SPPL2B: variants seen among roughly 807,000 people sequenced by gnomAD.
The protein encoded by SPPL2B is signal peptide peptidase like 2B, also known as signal peptide peptidase-like 2B.
In SPPL2B, 39 loss-of-function variants were observed where a neutral mutation model predicts 59.7. The observed-to-expected ratio is 0.65, with a 90% CI of 0.51 to 0.85. The LOEUF (loss-of-function observed/expected upper bound fraction) is 0.85, where lower values mean the gene tolerates loss of function less well. Among genes scored for constraint, SPPL2B ranks in the 40% least tolerant of loss-of-function variants. The pLI is 0.00. For missense variants in SPPL2B, 865 were observed against 849.0 expected (o/e 1.02, Z -0.23); for synonymous variants, 419 against 370.8 (o/e 1.13, Z -1.49).
At position 2,350,025 on chromosome 19, in the gene SPPL2B, T is replaced by A. The variant is rs78566016; in HGVS notation, c.1355-1409T>A. Among the ~76,000 whole-genome samples the A allele has an allele frequency of 1.6e-4, 18 of 113,876 alleles. 1 individual carries two copies. In the East Asian group the frequency reaches 2.7e-3, roughly 17 times the overall value. The allele number at this position is 113,876 out of a possible 152,430, so 74.7% of individuals were successfully genotyped here. ...TTCCGTTCTCTCCCTCGACACACACTCGCTCTCATTCGCTTGATTCCGTTC... is the reference window on the plus strand; with the variant it reads ...TTCCGTTCTCTCCCTCGACACACACACGCTCTCATTCGCTTGATTCCGTTC... On this transcript the variant is annotated intron_variant, in intron 13 of 14. Coordinates refer to ENST00000613503, the MANE Select transcript of SPPL2B (RefSeq NM_152988.3).
chr19:2,342,938 T>C, intron 8 of SPPL2B: 1 of 471,596 alleles, frequency 2.1e-6, no homozygotes, highest in Non-Finnish European at 3.9e-6. Context: ...GCCAGGCCTG[T>C]GTCCACTGTC....
At position 2,354,391 on chromosome 19, in the gene SPPL2B, G is replaced by C. The variant is rs1386076777; in HGVS notation, c.*1182G>C. Reference sequence around the variant, plus strand: ...AAGCAGCGCTCCCTGTGGCCGCAGAGACAGAGCCCGCACCCTGGCTGTCTG... The same window carrying C: ...AAGCAGCGCTCCCTGTGGCCGCAGACACAGAGCCCGCACCCTGGCTGTCTG... On this transcript the variant is annotated 3_prime_UTR_variant, in exon 15 of 15. Coordinates refer to ENST00000613503, the MANE Select transcript of SPPL2B (RefSeq NM_152988.3). 6.6e-6 allele frequency: 1 copy of C among 152,320 alleles called. No homozygotes were observed. Among genetic ancestry groups the C allele is most frequent in the Non-Finnish European group, 1.5e-5 (1 of 68,120 alleles). 9.4% of individuals were successfully genotyped at this position (152,320 alleles called of 1,614,324 possible). A position where few individuals can be genotyped will look rare whatever the true frequency, so the allele number is the denominator to read the frequency against.
intron 8 of SPPL2B, chr19:2,341,624 TCCTC>T (rs1434721631): frequency 4.4e-6 from 2 of 455,996 alleles, no homozygotes; most frequent in East Asian, 1.4e-4. Context: ...ATCTGGCACT[TCCTC>T]CCAGCCTTCC....
In SPPL2B at chr19:2,351,188, G is replaced by A. The variant is rs527351749; in HGVS notation, c.1355-246G>A. On this transcript the variant is annotated intron_variant, in intron 13 of 14. Coordinates refer to ENST00000613503, the MANE Select transcript of SPPL2B (RefSeq NM_152988.3). ...CCTCCCTGTCCCTCTCCTTGCCCTG[G>A]CCCTTCCATGTCCTCGGTGACCCTG... Among the ~76,000 whole-genome samples the A allele has an allele frequency of 6.6e-5, 10 of 152,248 alleles. No homozygotes were observed. The South Asian group carries it at 1.9e-3, about 28-fold the overall frequency.
rs151168966 is a variant in SPPL2B, at chr19:2,342,951, G to A, written c.957-260G>A. The A allele has an allele frequency of 1.2e-3, 603 of 517,186 alleles. 6 individuals carry two copies. The highest frequency in any genetic ancestry group is 2.7e-3 in the Admixed American group (86 of 31,300). 32.0% of individuals were successfully genotyped at this position (517,186 alleles called of 1,614,324 possible). A position where few individuals can be genotyped will look rare whatever the true frequency, so the allele number is the denominator to read the frequency against. Reference sequence around the variant, plus strand: ...CGGCCAGGCCTGTGTCCACTGTCCTGGCTGCCGAGTGGTGGGCTCCTCTAC... The same window carrying A: ...CGGCCAGGCCTGTGTCCACTGTCCTAGCTGCCGAGTGGTGGGCTCCTCTAC... On this transcript the variant is annotated intron_variant, in intron 8 of 14. Transcript: ENST00000613503.
chr19:2,348,425 C>G (rs1408507008), intron 13 of SPPL2B, among the ~76,000 whole-genome samples: 1 of 94,848 alleles, frequency 1.1e-5, no homozygotes, highest in Non-Finnish European at 2.1e-5. Flanking sequence ...TCGCTTGATT[C>G]CATTCTCTCC....
At chr19:2,348,358 G>T (rs1327147092) in intron 13 of SPPL2B, among the ~76,000 whole-genome samples, 1 of 55,432 alleles carries the variant, frequency 1.8e-5, no homozygotes. Flanking sequence ...ACACTCACGC[G>T]CTCTCATTTG....
At chr19:2,339,454 TGGCAGGTGCAGGGCTG>T (rs1968879069) in intron 5 of SPPL2B, among the ~76,000 whole-genome samples, 1 of 151,946 alleles carries the variant, frequency 6.6e-6, no homozygotes, top group Non-Finnish European at 1.5e-5. Context: ...GGTACGGGCG[TGGCAGGTGCAGGGCTG>T]GGCAGGTGGC....
At chr19:2,346,635 C>T (rs1433044044) in intron 13 of SPPL2B, among the ~76,000 whole-genome samples, 2 of 152,066 alleles carry the variant, frequency 1.3e-5, no homozygotes, top group African/African-American at 4.8e-5. Flanking sequence ...CCACCGCACT[C>T]CAGCCTAGGC....
rs776731451 is a variant in SPPL2B, at chr19:2,332,598, GTCTC to G, written c.67-2000_67-1997del. The stretch of plus-strand genomic sequence containing the variant: ...CCCCTGGGGACCAGGGGGTGCGGCT[GTCTC>G]TCTGTCTGGGAGGTTTACAGCCTGG... On this transcript the variant is annotated intron_variant, in intron 1 of 14. Coordinates refer to ENST00000613503, the MANE Select transcript of SPPL2B (RefSeq NM_152988.3). The surrounding 1 kb of genome is among the most constrained non-coding windows in gnomAD (Gnocchi z 4.6). Among the ~76,000 whole-genome samples, 9 of 152,326 alleles carry G rather than the reference GTCTC, an allele frequency of 5.9e-5. No individual in the cohort carries two copies. In the East Asian group the frequency reaches 7.7e-4, roughly 13 times the overall value.
Position 2,353,803 on chromosome 19 carries a change from G to T in SPPL2B, c.*594G>T. On this transcript the variant is annotated 3_prime_UTR_variant, in exon 15 of 15. Coordinates refer to ENST00000613503, the MANE Select transcript of SPPL2B (RefSeq NM_152988.3). ...CAGGCCCGTGGGGCGGGGTTTTGGG[G>T]CGTGAACAAGGCTGGCAGTAAGTGG... The T allele has an allele frequency of 6.5e-6, 1 of 154,212 alleles. No homozygotes were observed. Among genetic ancestry groups the T allele is most frequent in the Non-Finnish European group, 1.4e-5 (1 of 69,456 alleles). 9.6% of individuals were successfully genotyped at this position (154,212 alleles called of 1,614,324 possible).
At chr19:2,339,782 C>T (rs1216144864) in intron 5 of SPPL2B, 42 bp from the exon 6 acceptor site, 5 of 1,588,126 alleles carry the variant, frequency 3.1e-6, no homozygotes, top group Non-Finnish European at 4.3e-6. Flanking sequence ...CCGTGTCGGC[C>T]AGCCGGCCCC....
chr19:2,340,500 T>C, intron 7 of SPPL2B: 1 of 605,452 alleles, frequency 1.7e-6, no homozygotes, highest in Non-Finnish European at 3.0e-6. Context: ...GAGCTTGGCC[T>C]GGCTCTTAGG....
At position 2,337,508 on chromosome 19, in the gene SPPL2B, T is replaced by G; in HGVS notation, c.252T>G (p.Arg84=). 1.9e-6 allele frequency: 3 copies of G among 1,613,346 alleles called. No homozygotes were observed. Among genetic ancestry groups the G allele is most frequent in the Non-Finnish European group, 2.5e-6 (3 of 1,179,698 alleles). ...LLCSAADLPA[R]GFSNQIPLVA... The stretch of plus-strand genomic sequence containing the variant: ...GCTCCGCAGCCGACCTCCCCGCCCG[T>G]GGCTTCAGCAACCAGATCCCGCTGG... Residue 84 remains arginine, a synonymous_variant, in exon 3 of 15, where the codon CGT becomes CGG. Coordinates refer to ENST00000613503, the MANE Select transcript of SPPL2B (RefSeq NM_152988.3).
rs1215946321 is a variant in SPPL2B at position 2,332,628 on chromosome 19, C to A, written c.67-1974C>A. Among the ~76,000 whole-genome samples, 1 of 152,176 alleles carries A rather than the reference C, an allele frequency of 6.6e-6. No homozygotes were observed. Among genetic ancestry groups the A allele is most frequent in the Non-Finnish European group, 1.5e-5 (1 of 68,020 alleles). ...TCTGTCTGGGAGGTTTACAGCCTGG[C>A]AGGAGCCCTGCAGCCCCAGAAGGCT... On this transcript the variant is annotated intron_variant, in intron 1 of 14. Transcript: ENST00000613503. This position sits in a 1 kb window ranked among gnomAD's most constrained non-coding sequence, Gnocchi z 4.6.
chr19:2,340,244 T>TGGGGGGCTATGGGGC, intron 7 of SPPL2B, 72 bp downstream of exon 7: 1 of 1,170,778 alleles, frequency 8.5e-7, no homozygotes, highest in Non-Finnish European at 1.2e-6. Context: ...TGCCGCCCCA[T>TGGGGGGCTATGGGGC]AGCCCCCCAT....
chr19:2,340,306 G>T, intron 7 of SPPL2B, 134 bp downstream of exon 7: 1 of 735,386 alleles, frequency 1.4e-6, no homozygotes. Context: ...TGCTGGCCTG[G>T]GGCTCCTAGG....
At chr19:2,344,249 C>T in intron 10 of SPPL2B, 113 bp from the exon 11 acceptor site, 1 of 566,402 alleles carries the variant, frequency 1.8e-6, no homozygotes, top group Non-Finnish European at 3.1e-6. Flanking sequence ...CCCCCCATCA[C>T]CCTGCCCCTT....
chr19:2,337,763 G>A (rs1054959089), intron 3 of SPPL2B, 138 bp downstream of exon 3: 17 of 891,792 alleles, frequency 1.9e-5, no homozygotes, highest in African/African-American at 5.1e-5. Flanking sequence ...GATCTGGGCC[G>A]AGTGTGAACA....
Sources: allele counts gnomAD v4.1 joint callset (sites outside exome capture counted in the v4.1 genomes callset), GRCh38; gene constraint gnomAD v4.1.1; non-coding constraint Gnocchi (gnomAD v3.1); transcripts MANE v1.5; gene names NCBI Gene and HGNC (gene_info 2026-07-23, HGNC 2026-07-21).